Variants in NAALADL2 observed in about 807,000 individuals in gnomAD.
NAALADL2 encodes inactive N-acetylated-alpha-linked acidic dipeptidase-like protein 2.
Under a neutral mutation model 87.2 loss-of-function variants are expected in NAALADL2, and 76 were observed. The observed-to-expected ratio is 0.87, with a 90% confidence interval of 0.72 to 1.05. The LOEUF is 1.05. NAALADL2 is among the 50% of genes least tolerant of loss of function. NAALADL2 has a pLI of 0.00. For missense variants in NAALADL2, 1,089 were observed against 945.8 expected, an observed-to-expected ratio of 1.15 and a Z score of -1.99; for synonymous variants, 354 against 331.0, an observed-to-expected ratio of 1.07 and a Z score of -0.75.
In NAALADL2 at chr3:175,714,880, C is replaced by T. The variant is rs373205644; in HGVS notation, c.1897-22426C>T. Among the ~76,000 whole-genome samples the T allele has an allele frequency of 1.2e-4, 18 of 152,188 alleles. 1 individual carries two copies. Among genetic ancestry groups the T allele is most frequent in the African/African-American group, 3.9e-4 (16 of 41,530 alleles). The stretch of plus-strand genomic sequence containing the variant: ...TCCTTACACCTTATACAGAAATTAA[C>T]TCAAGATGAATTAAAGACTTAAACG... On this transcript the variant is annotated intron_variant, in intron 11 of 13. Coordinates refer to ENST00000454872, the MANE Select transcript of NAALADL2 (RefSeq NM_207015.3).
Position 175,330,200 on chromosome 3 carries a change from A to G in NAALADL2, c.1090+5875A>G, listed in dbSNP as rs74383078. ...TTTACTAATGTTTCTATCTTAAAGA[A>G]TATAGAAGCTATTGAAACAACGATA... On this transcript the variant is annotated intron_variant, in intron 5 of 13. Transcript: ENST00000454872. Among the ~76,000 whole-genome samples the G allele has an allele frequency of 2.0e-5, 3 of 152,344 alleles. No homozygotes were observed. In the East Asian group the frequency reaches 5.8e-4, roughly 29 times the overall value.
chr3:175,220,583 C>T (rs1743203990), intron 2 of NAALADL2, among the ~76,000 whole-genome samples: 1 of 151,762 alleles, frequency 6.6e-6, no homozygotes, highest in African/African-American at 2.4e-5. Flanking sequence ...TTTGTGCCTT[C>T]TCCCTCCTTC....
chr3:175,173,309 A>T (rs111427627), intron 2 of NAALADL2, among the ~76,000 whole-genome samples: 10 of 139,928 alleles, frequency 7.1e-5, no homozygotes, highest in South Asian at 2.3e-4. Flanking sequence ...ATAAATAAAT[A>T]AAATAAATAA....
At chr3:175,190,185 T>C (rs1737936333) in intron 2 of NAALADL2, among the ~76,000 whole-genome samples, 1 of 151,746 alleles carries the variant, frequency 6.6e-6, no homozygotes, top group South Asian at 2.1e-4. Context: ...AACTTCAGAC[T>C]ACAGAAACAA....
At chr3:174,892,721 C>T (rs1478697346) in intron 1 of NAALADL2, among the ~76,000 whole-genome samples, 8 of 151,822 alleles carry the variant, frequency 5.3e-5, no homozygotes, top group Non-Finnish European at 8.8e-5. Flanking sequence ...CTCAGGAGTT[C>T]GAGACGACCC....
chr3:174,809,012 A>G (rs1240066219), intron 3 of NAALADL2, among the ~76,000 whole-genome samples: 6 of 152,168 alleles, frequency 3.9e-5, no homozygotes, highest in African/African-American at 9.7e-5. Flanking sequence ...ATCTTTTCTC[A>G]TGTATATGTT....
chr3:175,003,385 T>A (rs73881596), intron 1 of NAALADL2, among the ~76,000 whole-genome samples: 1 of 152,228 alleles, frequency 6.6e-6, no homozygotes, highest in African/African-American at 2.4e-5. Context: ...ATACTTAATA[T>A]AAAAGCACTT....
chr3:175,055,646 A>G (rs980783921), intron 1 of NAALADL2, among the ~76,000 whole-genome samples: 1 of 152,224 alleles, frequency 6.6e-6, no homozygotes, highest in Non-Finnish European at 1.5e-5. Context: ...ACTTAGAGTG[A>G]CACTGATTAG....
chr3:174,462,070 T>A (rs1332001421), intron 1 of NAALADL2, among the ~76,000 whole-genome samples: 1 of 118,030 alleles, frequency 8.5e-6, no homozygotes, highest in Middle Eastern at 3.7e-3. Context: ...AAATATTTCT[T>A]ATTTTTAATA....
intron 2 of NAALADL2, among the ~76,000 whole-genome samples, chr3:174,725,892 T>G (rs1283549099): frequency 6.6e-6 from 1 of 152,224 alleles, no homozygotes; most frequent in Non-Finnish European, 1.5e-5. Context: ...ACTATACTTT[T>G]GCTTCTCTTT....
intron 1 of NAALADL2, among the ~76,000 whole-genome samples, chr3:174,998,554 C>T (rs1258383003): frequency 6.6e-6 from 1 of 152,166 alleles, no homozygotes; most frequent in African/African-American, 2.4e-5. Flanking sequence ...TCAATAGAAC[C>T]TTAATCATAA....
intron 1 of NAALADL2, among the ~76,000 whole-genome samples, chr3:174,870,765 A>G (rs149068542): frequency 3.9e-5 from 6 of 152,186 alleles, no homozygotes; most frequent in Non-Finnish European, 8.8e-5. Flanking sequence ...TTAAATATTT[A>G]CCATTTATGT....
At chr3:175,166,100 C>T (rs1449302113) in intron 2 of NAALADL2, among the ~76,000 whole-genome samples, 1 of 151,524 alleles carries the variant, frequency 6.6e-6, no homozygotes, top group African/African-American at 2.4e-5. Flanking sequence ...AAAAAACTTA[C>T]CTAGTATATA....
chr3:174,463,603 T>C (rs982354577), intron 1 of NAALADL2, among the ~76,000 whole-genome samples: 3 of 146,330 alleles, frequency 2.1e-5, no homozygotes, highest in Admixed American at 6.8e-5. Context: ...GATTATCTTT[T>C]TTTTTTTTTT....
chr3:175,154,588 G>A (rs1338767404), intron 2 of NAALADL2, among the ~76,000 whole-genome samples: 1 of 152,044 alleles, frequency 6.6e-6, no homozygotes, highest in Non-Finnish European at 1.5e-5. Context: ...TAAGAACACT[G>A]TGTGTATACT....
chr3:175,772,133 C>A (rs1156259459), intron 13 of NAALADL2, among the ~76,000 whole-genome samples: 2 of 152,140 alleles, frequency 1.3e-5, no homozygotes, highest in South Asian at 4.1e-4. Flanking sequence ...ATTTACAGGT[C>A]CTAGAGATTA....
At chr3:175,254,916 C>A (rs868212883) in intron 3 of NAALADL2, among the ~76,000 whole-genome samples, 1 of 152,152 alleles carries the variant, frequency 6.6e-6, no homozygotes, top group Admixed American at 6.5e-5. Flanking sequence ...TTTGAAAGTA[C>A]AGCTTAACTT....
At chr3:174,478,059 T>A (rs1717320695) in intron 1 of NAALADL2, among the ~76,000 whole-genome samples, 2 of 152,174 alleles carry the variant, frequency 1.3e-5, no homozygotes, top group Non-Finnish European at 2.9e-5. Context: ...TTTTTTAAGG[T>A]AACATATGGC....
chr3:175,006,067 C>G (rs1386353438), intron 1 of NAALADL2, among the ~76,000 whole-genome samples: 1 of 152,170 alleles, frequency 6.6e-6, no homozygotes, highest in South Asian at 2.1e-4. Flanking sequence ...TTCAAGCTTG[C>G]CAGGTTCCTG....
Sources: allele counts gnomAD v4.1 joint callset (sites outside exome capture counted in the v4.1 genomes callset), GRCh38; gene constraint gnomAD v4.1.1; transcripts MANE v1.5; gene names NCBI Gene and HGNC (gene_info 2026-07-23, HGNC 2026-07-21).